The following HMCN1 variants were observed in gnomAD, a reference collection of about 807,000 sequenced individuals.
The protein encoded by HMCN1 is hemicentin-1.
HMCN1 carries 321 observed loss-of-function variants against 625.9 expected under a neutral mutation model. The ratio of observed to expected loss-of-function variants is 0.51; its 90% CI spans 0.47 to 0.56. The LOEUF (loss-of-function observed/expected upper bound fraction) is 0.56, where lower values mean the gene tolerates loss of function less well. Ranked by LOEUF, HMCN1 falls within the 20% of genes least tolerant of loss-of-function variation. HMCN1 has a pLI of 0.00. For synonymous variants in HMCN1, 2,425 were observed against 2,417.6 expected (o/e 1.00, Z -0.09); for missense variants, 6,588 against 6,887.3 (o/e 0.96, Z 1.54).
chr1:186,164,604 A>G (rs939628941), intron 97 of HMCN1, among the ~76,000 whole-genome samples: 3 of 152,188 alleles, frequency 2.0e-5, no homozygotes, highest in Admixed American at 6.5e-5. Flanking sequence ...ATGAAAAGGA[A>G]AACACTTGGT....
intron 30 of HMCN1, 43 bp from the exon 31 acceptor site, chr1:186,015,116 C>G (rs1401402230): frequency 6.4e-7 from 1 of 1,567,834 alleles, no homozygotes; most frequent in South Asian, 1.1e-5. Flanking sequence ...GATGAAGATG[C>G]TGAAACTTAG....
intron 36 of HMCN1, 78 bp from the exon 37 acceptor site, chr1:186,037,856 A>G: frequency 1.1e-6 from 1 of 883,956 alleles, no homozygotes; most frequent in Non-Finnish European, 1.9e-6. Context: ...AAGAAAAATT[A>G]TAATTTTAAT....
chr1:185,800,735 T>A (rs1188703909), intron 1 of HMCN1, among the ~76,000 whole-genome samples: 1 of 152,200 alleles, frequency 6.6e-6, no homozygotes, highest in Non-Finnish European at 1.5e-5. Flanking sequence ...ATTGTCTTAG[T>A]ATTTATGAAC....
intron 1 of HMCN1, among the ~76,000 whole-genome samples, chr1:185,822,004 G>T (rs762481744): frequency 4.6e-5 from 7 of 152,038 alleles, no homozygotes; most frequent in Non-Finnish European, 1.0e-4. Flanking sequence ...TAATCTTTGG[G>T]AAAAGGGAAA....
At chr1:185,751,133 C>G (rs577985914) in intron 1 of HMCN1, among the ~76,000 whole-genome samples, 7 of 152,190 alleles carry the variant, frequency 4.6e-5, no homozygotes, top group Non-Finnish European at 8.8e-5. Context: ...GCTCCCTACT[C>G]CTTCATTTTG....
At chr1:186,016,850 A>T in intron 32 of HMCN1, 113 bp from the exon 33 acceptor site, 1 of 741,000 alleles carries the variant, frequency 1.3e-6, no homozygotes, top group South Asian at 1.4e-5. Context: ...TCATGTATCA[A>T]ACCACTATGA....
At chr1:186,181,724 C>T (rs545402038) in intron 104 of HMCN1, among the ~76,000 whole-genome samples, 7 of 152,082 alleles carry the variant, frequency 4.6e-5, no homozygotes, top group Non-Finnish European at 1.0e-4. Context: ...GAAAGAGAGC[C>T]AAAGTTTAAA....
Position 186,095,298 on chromosome 1 carries a change from T to A in HMCN1, c.10350T>A (p.Gly3450=). 1 of 1,613,760 alleles carries A rather than the reference T, an allele frequency of 6.2e-7. No individual in the cohort carries two copies. Among genetic ancestry groups the A allele is most frequent in the East Asian group, 2.2e-5 (1 of 44,862 alleles). The change falls in exon 68 of 107, where the codon GGT becomes GGA. Residue 3450 remains glycine (G), a synonymous_variant. Transcript: ENST00000271588. The stretch of plus-strand genomic sequence containing the variant: ...CAGAGGAAATCACAGTTCTCAAAGG[T>A]AGTTCCACCTCTATGGCATGCATTA... ...MGTEEITVLK[G]SSTSMACITD...
At chr1:185,953,790 C>G (rs1020101926) in intron 11 of HMCN1, among the ~76,000 whole-genome samples, 1 of 151,840 alleles carries the variant, frequency 6.6e-6, no homozygotes, top group African/African-American at 2.4e-5. Context: ...GAAGAGACCA[C>G]CAAACAGGCT....
rs754807306 is a variant in HMCN1, at chr1:186,115,297, T to C, written c.11444T>C (p.Val3815Ala). 6.2e-7 allele frequency: 1 copy of C among 1,614,032 alleles called. No homozygotes were observed. Residue 3815 changes from valine (V) to alanine (A), a missense_variant, in exon 75 of 107, where the codon GTA becomes GCA. This residue lies in a region of HMCN1 where 4,628 missense variants were observed against 4,853.1 expected (regional missense o/e 0.95). Coordinates refer to ENST00000271588, the MANE Select transcript of HMCN1 (RefSeq NM_031935.3). The stretch of plus-strand genomic sequence containing the variant: ...GCTCCGGGTCCTACCAACATGACTG[T>C]AATAGTAAATGTTCAAACTACTCTG... Reference protein sequence around the residue: ...SIAPGPTNMTVIVNVQTTLAC... With the variant: ...SIAPGPTNMTAIVNVQTTLAC...
At position 186,126,764 on chromosome 1, in the gene HMCN1, G is replaced by A. The variant is rs187895207; in HGVS notation, c.12690+970G>A. ...CAGTGATAAATGGAGGCCAAATCAT[G>A]TCGGGTCTTACAGGTCATTGTAACA... is the stretch of plus-strand genomic sequence containing the variant. On this transcript the variant is annotated intron_variant, in intron 82 of 106. Transcript: ENST00000271588. Among the ~76,000 whole-genome samples, 9 of 152,308 alleles carry A rather than the reference G, an allele frequency of 5.9e-5. No homozygotes were observed. The East Asian group carries it at 1.7e-3, about 29-fold the overall frequency.
At chr1:185,849,823 A>AT (rs966802265) in intron 2 of HMCN1, among the ~76,000 whole-genome samples, 1 of 151,196 alleles carries the variant, frequency 6.6e-6, no homozygotes. Flanking sequence ...TTTTTTTGAC[A>AT]TTTTTTTTCA....
At chr1:186,054,134 TA>T in intron 44 of HMCN1, 148 bp downstream of exon 44, 1 of 852,024 alleles carries the variant, frequency 1.2e-6, no homozygotes, top group Non-Finnish European at 1.9e-6. Flanking sequence ...TGTGCTGACA[TA>T]ACTGGAGAGC....
chr1:185,896,748 A>C (rs1312981520), intron 4 of HMCN1, among the ~76,000 whole-genome samples: 5 of 152,234 alleles, frequency 3.3e-5, no homozygotes, highest in African/African-American at 9.6e-5. Flanking sequence ...TCTAATAGTC[A>C]TGAATAGAAT....
intron 1 of HMCN1, among the ~76,000 whole-genome samples, chr1:185,737,863 T>C (rs1465420778): frequency 6.6e-6 from 1 of 152,180 alleles, no homozygotes; most frequent in African/African-American, 2.4e-5. Context: ...TGGGGCAAGG[T>C]GTGTATTTGC....
At chr1:186,109,716 T>G (rs1360920160) in intron 71 of HMCN1, among the ~76,000 whole-genome samples, 2 of 152,164 alleles carry the variant, frequency 1.3e-5, no homozygotes, top group Non-Finnish European at 2.9e-5. Flanking sequence ...TCACAGGTAA[T>G]GGCATGTACA....
At chr1:186,186,075 T>C (rs1458402621) in intron 105 of HMCN1, among the ~76,000 whole-genome samples, 2 of 152,234 alleles carry the variant, frequency 1.3e-5, no homozygotes, top group Non-Finnish European at 1.5e-5. Context: ...AAATATATTT[T>C]CATGAAAACT....
rs547287816 is a variant in HMCN1 at position 185,900,925 on chromosome 1, G to A, written c.622-8412G>A. 1.1e-4 allele frequency among the ~76,000 whole-genome samples: 17 copies of A among 151,976 alleles called. No homozygotes were observed. The East Asian group carries it at 1.7e-3, about 16-fold the overall frequency. On this transcript the variant is annotated intron_variant, in intron 4 of 106. Coordinates refer to ENST00000271588, the MANE Select transcript of HMCN1 (RefSeq NM_031935.3). The stretch of plus-strand genomic sequence containing the variant: ...CTAAAGAGTATGTCAATCAAAATGA[G>A]TGCAAACCAACAGGAAAGCATAAGA...
chr1:186,090,205 CA>C (rs1443862568), intron 63 of HMCN1, among the ~76,000 whole-genome samples: 7 of 151,818 alleles, frequency 4.6e-5, no homozygotes, highest in Non-Finnish European at 1.0e-4. Flanking sequence ...AAGTGGAAAC[CA>C]AAGATGGCTA....
Sources: allele counts gnomAD v4.1 joint callset (sites outside exome capture counted in the v4.1 genomes callset), GRCh38; gene constraint gnomAD v4.1.1; regional missense constraint gnomAD v4.1.1; transcripts MANE v1.5; gene names NCBI Gene and HGNC (gene_info 2026-07-23, HGNC 2026-07-21).